The following SPATS2L variants were observed in gnomAD, a reference collection of about 807,000 sequenced individuals.
The protein encoded by SPATS2L is SPATS2-like protein.
Under a neutral mutation model 59.6 loss-of-function variants are expected in SPATS2L, and 30 were observed. The ratio of observed to expected loss-of-function variants is 0.50; its 90% CI spans 0.38 to 0.68. The LOEUF (loss-of-function observed/expected upper bound fraction) is 0.68. Among genes scored for constraint, SPATS2L ranks in the 30% least tolerant of loss-of-function variants. The pLI, the probability that SPATS2L is intolerant of heterozygous loss-of-function variation, is 0.00. For synonymous variants in SPATS2L, 252 were observed against 263.5 expected (o/e 0.96, Z 0.42); for missense variants, 615 against 700.0 (o/e 0.88, Z 1.37).
chr2:200,423,604 A>C (rs969492736), intron 6 of SPATS2L, among the ~76,000 whole-genome samples: 3 of 151,368 alleles, frequency 2.0e-5, no homozygotes, highest in Non-Finnish European at 4.4e-5. Flanking sequence ...CCTAACTCCT[A>C]AAAAAAAATG....
chr2:200,480,053 C>A lies in SPATS2L; in HGVS notation c.*2022C>A. On this transcript the variant is annotated 3_prime_UTR_variant, in exon 13 of 13. Coordinates refer to ENST00000409140, the MANE Select transcript of SPATS2L (RefSeq NM_001100423.2). The stretch of plus-strand genomic sequence containing the variant: ...GGATTTTGCACAGTTTTTTATGTAG[C>A]AAGATTTTGCTCACCACTGAAAAAT... 1 of 257,572 alleles carries A rather than the reference C, an allele frequency of 3.9e-6. No homozygotes were observed. The highest frequency in any genetic ancestry group is 7.3e-6 in the Non-Finnish European group (1 of 136,820). 16.0% of individuals were successfully genotyped at this position (257,572 alleles called of 1,614,324 possible). A position where few individuals can be genotyped will look rare whatever the true frequency, so the allele number is the denominator to read the frequency against.
intron 3 of SPATS2L, among the ~76,000 whole-genome samples, chr2:200,407,599 A>G (rs2082731853): frequency 1.3e-5 from 2 of 152,334 alleles, no homozygotes; most frequent in South Asian, 4.1e-4. Flanking sequence ...ATAGACAGGC[A>G]GTTACTGTGC....
At chr2:200,385,964 C>T (rs1467978398) in intron 2 of SPATS2L, among the ~76,000 whole-genome samples, 12 of 152,242 alleles carry the variant, frequency 7.9e-5, no homozygotes, top group African/African-American at 2.2e-4. Flanking sequence ...AAGTGCTGGA[C>T]CACAGGCGTG....
At chr2:200,315,212 A>T (rs546393554) in intron 1 of SPATS2L, among the ~76,000 whole-genome samples, 4 of 152,188 alleles carry the variant, frequency 2.6e-5, no homozygotes, top group Non-Finnish European at 1.5e-5. Flanking sequence ...TTCAGTCCAG[A>T]GGTATGAAAT....
intron 10 of SPATS2L, among the ~76,000 whole-genome samples, chr2:200,468,391 T>G: frequency 4.8e-5 from 1 of 20,748 alleles, no homozygotes; most frequent in Admixed American, 7.5e-4. Context: ...CCTTCCAGCT[T>G]CTTACCCACT....
chr2:200,388,893 A>C (rs752364765), intron 2 of SPATS2L, among the ~76,000 whole-genome samples: 2 of 152,190 alleles, frequency 1.3e-5, no homozygotes, highest in Non-Finnish European at 2.9e-5. Context: ...TACTTAGTTA[A>C]AATAGGTACG....
intron 8 of SPATS2L, among the ~76,000 whole-genome samples, chr2:200,458,211 G>T (rs1342837409): frequency 6.6e-6 from 1 of 151,658 alleles, no homozygotes; most frequent in Non-Finnish European, 1.5e-5. Flanking sequence ...CAGGAAATAA[G>T]AAAGAGTTAT....
chr2:200,481,571 C>A lies in SPATS2L; in HGVS notation c.*3540C>A. 1 of 152,458 alleles carries A rather than the reference C, an allele frequency of 6.6e-6. No individual in the cohort carries two copies. 9.4% of individuals were successfully genotyped at this position (152,458 alleles called of 1,614,324 possible). A position where few individuals can be genotyped will look rare whatever the true frequency, so the allele number is the denominator to read the frequency against. On this transcript the variant is annotated 3_prime_UTR_variant, in exon 13 of 13. Coordinates refer to ENST00000409140, the MANE Select transcript of SPATS2L (RefSeq NM_001100423.2). ...CCTCCCTCCCTTTGCACGCTGCATC[C>A]CACGCTGCCTGCTTAAAGCGCCCTC...
At chr2:200,444,288 G>A (rs2084890089) in intron 8 of SPATS2L, among the ~76,000 whole-genome samples, 1 of 152,124 alleles carries the variant, frequency 6.6e-6, no homozygotes, top group Non-Finnish European at 1.5e-5. Flanking sequence ...TGATTGTGAA[G>A]ACTTAAAATG....
In SPATS2L at chr2:200,413,709, T is replaced by C. The variant is rs957525611; in HGVS notation, c.148+1290T>C. Among the ~76,000 whole-genome samples, 8 of 152,232 alleles carry C rather than the reference T, an allele frequency of 5.3e-5. No homozygotes were observed. The South Asian group carries it at 1.2e-3, about 24-fold the overall frequency. Reference sequence around the variant, plus strand: ...CCTTCTTGAGTTTCTAAAAGTATAATTGCATTTCAGGGCAAGGTCTTGGAA... The same window carrying C: ...CCTTCTTGAGTTTCTAAAAGTATAACTGCATTTCAGGGCAAGGTCTTGGAA... On this transcript the variant is annotated intron_variant, in intron 4 of 12. Coordinates refer to ENST00000409140, the MANE Select transcript of SPATS2L (RefSeq NM_001100423.2).
intron 8 of SPATS2L, among the ~76,000 whole-genome samples, chr2:200,459,377 A>G (rs182157731): frequency 6.6e-6 from 1 of 152,214 alleles, no homozygotes; most frequent in African/African-American, 2.4e-5. Flanking sequence ...AGGGTAGAGC[A>G]CAGAGACACT....
At chr2:200,379,441 C>T (rs1482253873) in intron 2 of SPATS2L, among the ~76,000 whole-genome samples, 2 of 152,154 alleles carry the variant, frequency 1.3e-5, no homozygotes, top group African/African-American at 2.4e-5. Context: ...TGCCAGCATT[C>T]CCCACAGACC....
intron 6 of SPATS2L, among the ~76,000 whole-genome samples, chr2:200,426,502 G>T (rs950333056): frequency 6.6e-6 from 1 of 152,208 alleles, no homozygotes; most frequent in African/African-American, 2.4e-5. Context: ...GCCAAGGCAG[G>T]AGGATCACTT....
chr2:200,377,799 G>A (rs2081650486), intron 2 of SPATS2L, among the ~76,000 whole-genome samples: 1 of 152,042 alleles, frequency 6.6e-6, no homozygotes, highest in African/African-American at 2.4e-5. Context: ...TTTCAATTAG[G>A]TGTAGAACCA....
chr2:200,386,205 C>G (rs191033016), intron 2 of SPATS2L, among the ~76,000 whole-genome samples: 2 of 151,832 alleles, frequency 1.3e-5, no homozygotes, highest in Non-Finnish European at 2.9e-5. Flanking sequence ...GTAGAGGCAG[C>G]CTTCCACCTG....
chr2:200,385,456 G>A (rs1481064656), intron 2 of SPATS2L, among the ~76,000 whole-genome samples: 1 of 152,168 alleles, frequency 6.6e-6, no homozygotes, highest in Admixed American at 6.5e-5. Flanking sequence ...TAGGGACACA[G>A]CACTGTTTCA....
intron 3 of SPATS2L, among the ~76,000 whole-genome samples, chr2:200,410,052 G>A (rs1404573557): frequency 2.6e-5 from 4 of 152,062 alleles, no homozygotes; most frequent in African/African-American, 9.7e-5. Flanking sequence ...TCACACAGCT[G>A]TGTAGGTGGA....
At chr2:200,377,123 A>T (rs1259664517) in intron 2 of SPATS2L, among the ~76,000 whole-genome samples, 2 of 152,244 alleles carry the variant, frequency 1.3e-5, no homozygotes, top group Non-Finnish European at 2.9e-5. Flanking sequence ...CTTTACAAAC[A>T]TGAACTCATT....
rs551639663 is a variant in SPATS2L at position 200,368,681 on chromosome 2, G to A, written c.-22-20542G>A. Among the ~76,000 whole-genome samples, 3 of 152,280 alleles carry A rather than the reference G, an allele frequency of 2.0e-5. No homozygotes were observed. In the East Asian group the frequency reaches 5.8e-4, roughly 29 times the overall value. On this transcript the variant is annotated intron_variant, in intron 2 of 12. Transcript: ENST00000409140. ...AACTAAGGAGCAGATGGTGGATATA[G>A]CAGACATGTATTACAGACTTCAGGG...
Sources: allele counts gnomAD v4.1 joint callset (sites outside exome capture counted in the v4.1 genomes callset), GRCh38; gene constraint gnomAD v4.1.1; transcripts MANE v1.5; gene names NCBI Gene and HGNC (gene_info 2026-07-23, HGNC 2026-07-21).